LHPP: variants seen among roughly 807,000 people sequenced by gnomAD.
LHPP encodes the protein hLHPP.
LHPP carries 24 observed loss-of-function variants against 30.3 expected under a neutral mutation model. That is an observed-to-expected ratio of 0.79 (90% CI 0.57 to 1.11). The LOEUF (loss-of-function observed/expected upper bound fraction) is 1.11. Among genes scored for constraint, LHPP ranks in the 50% most tolerant of loss-of-function variants. The probability of loss-of-function intolerance (pLI) is 0.00; values close to 1 mark genes in which losing one functional copy is unlikely to be tolerated. For synonymous variants in LHPP, 150 were observed against 157.1 expected, an observed-to-expected ratio of 0.95 and a Z score of 0.34; for missense variants, 356 against 367.2, an observed-to-expected ratio of 0.97 and a Z score of 0.25.
chr10:124,529,770 G>A (rs1387747220), intron 6 of LHPP, among the ~76,000 whole-genome samples: 2 of 151,656 alleles, frequency 1.3e-5, no homozygotes, highest in Admixed American at 6.6e-5. Context: ...ACTCACATGC[G>A]GGTCCTAGAC....
chr10:124,581,403 C>T (rs1381133178), intron 6 of LHPP, among the ~76,000 whole-genome samples: 4 of 152,180 alleles, frequency 2.6e-5, no homozygotes, highest in African/African-American at 9.7e-5. Context: ...CTTCATTTCT[C>T]TTGAATATAT....
intron 6 of LHPP, among the ~76,000 whole-genome samples, chr10:124,557,630 G>T (rs1452102982): frequency 6.6e-6 from 1 of 152,202 alleles, no homozygotes; most frequent in East Asian, 1.9e-4. Context: ...AGAGGAGGGT[G>T]AGGGTGCAGG....
intron 6 of LHPP, among the ~76,000 whole-genome samples, chr10:124,577,264 A>G (rs10751596): frequency 0.55 from 83,426 of 151,922 alleles, 23,192 homozygotes; most frequent in South Asian, 0.61. Flanking sequence ...AGCCCAGCCA[A>G]CCCAAGACTA....
intron 1 of LHPP, among the ~76,000 whole-genome samples, chr10:124,473,072 T>C (rs1952836560): frequency 6.6e-6 from 1 of 152,072 alleles, no homozygotes; most frequent in African/African-American, 2.4e-5. Flanking sequence ...GGTCACCCTG[T>C]GAAAATCAAG....
chr10:124,487,948 G>A (rs1953390022), intron 2 of LHPP, among the ~76,000 whole-genome samples: 1 of 152,192 alleles, frequency 6.6e-6, no homozygotes. Flanking sequence ...CTGTGGGGAT[G>A]GAATTCTGCT....
chr10:124,519,816 A>ATT lies in LHPP; in HGVS notation c.716+2552_716+2553dup, dbSNP rs11421205. Among the ~76,000 whole-genome samples the ATT allele has an allele frequency of 3.4e-3, 517 of 151,186 alleles. 3 individuals carry two copies. Among genetic ancestry groups the ATT allele is most frequent in the African/African-American group, 0.012 (496 of 41,116 alleles). On this transcript the variant is annotated intron_variant, in intron 6 of 6. Coordinates refer to ENST00000368842, the MANE Select transcript of LHPP (RefSeq NM_022126.4). ...GTATTCCATGGTGTATATGTACCAC[A>ATT]TTTTTTTTCTTTGTTTCTTTCTTTT...
chr10:124,506,822 G>C (rs116396609), intron 5 of LHPP, among the ~76,000 whole-genome samples: 1 of 37,478 alleles, frequency 2.7e-5, no homozygotes, highest in Admixed American at 2.5e-4. Flanking sequence ...TTCAGGTGGG[G>C]GGGTAGGGAG....
intron 6 of LHPP, among the ~76,000 whole-genome samples, chr10:124,587,591 T>G (rs897107709): frequency 6.6e-6 from 1 of 150,996 alleles, no homozygotes; most frequent in Non-Finnish European, 1.5e-5. Flanking sequence ...AACACAAAAA[T>G]TAGCCAGGCA....
chr10:124,500,466 T>C (rs1019431471), intron 5 of LHPP, among the ~76,000 whole-genome samples: 4 of 152,026 alleles, frequency 2.6e-5, no homozygotes, highest in African/African-American at 9.7e-5. Context: ...AGTGAGACTC[T>C]ATTTCCAAGT....
intron 6 of LHPP, among the ~76,000 whole-genome samples, chr10:124,609,405 G>A (rs542193142): frequency 2.6e-5 from 4 of 152,194 alleles, no homozygotes; most frequent in African/African-American, 9.6e-5. Context: ...ACTACACCTG[G>A]CTGATTTTTG....
chr10:124,595,069 T>C (rs1948925762), intron 6 of LHPP, among the ~76,000 whole-genome samples: 1 of 152,232 alleles, frequency 6.6e-6, no homozygotes, highest in African/African-American at 2.4e-5. Flanking sequence ...AACAGACTAA[T>C]ACACCATGTC....
Position 124,496,501 on chromosome 10 carries a change from T to C in LHPP, c.468-460T>C, listed in dbSNP as rs1415482387. On this transcript the variant is annotated intron_variant, in intron 3 of 6. Transcript: ENST00000368842. This position sits in a 1 kb window ranked among gnomAD's most constrained non-coding sequence, Gnocchi z 4.3. ...GCTAACGGGATGCGGCAGGGTGCTG[T>C]GGAACTAATGGAGTTCTCTTCTTCA... 1.2e-4 allele frequency among the ~76,000 whole-genome samples: 18 copies of C among 152,352 alleles called. No homozygotes were observed. The East Asian group carries it at 3.3e-3, about 28-fold the overall frequency.
rs537850993 is a variant in LHPP, at chr10:124,578,700, G to A, written c.717-34564G>A. Among the ~76,000 whole-genome samples the A allele has an allele frequency of 4.6e-5, 7 of 152,334 alleles. No homozygotes were observed. The South Asian group carries it at 1.5e-3, about 32-fold the overall frequency. ...CATAGGCACAGTTGCTGGATGCAGG[G>A]CTTACACCGCGCCACGCGTCAGAAG... On this transcript the variant is annotated intron_variant, in intron 6 of 6. Transcript: ENST00000368842.
chr10:124,481,418 C>T (rs1331824011), intron 1 of LHPP, among the ~76,000 whole-genome samples: 1 of 137,688 alleles, frequency 7.3e-6, no homozygotes, highest in East Asian at 2.3e-4. Context: ...ACTGTGTGAC[C>T]CAGGCTGGAG....
intron 6 of LHPP, among the ~76,000 whole-genome samples, chr10:124,527,724 T>G (rs1442129194): frequency 6.6e-6 from 1 of 151,792 alleles, no homozygotes; most frequent in Non-Finnish European, 1.5e-5. Context: ...TGAGACCCAG[T>G]CCCCTGCCGC....
At chr10:124,472,838 G>A (rs1164662324) in intron 1 of LHPP, among the ~76,000 whole-genome samples, 5 of 152,290 alleles carry the variant, frequency 3.3e-5, no homozygotes, top group Middle Eastern at 3.4e-3. Context: ...GATTACAGGC[G>A]TGAGCCACTG....
intron 6 of LHPP, among the ~76,000 whole-genome samples, chr10:124,578,947 G>A (rs1402217520): frequency 7.9e-6 from 1 of 127,314 alleles, no homozygotes; most frequent in East Asian, 2.3e-4. Context: ...GATTCCCAGG[G>A]GCAGGATAGC....
intron 3 of LHPP, among the ~76,000 whole-genome samples, chr10:124,494,813 T>G (rs903603449): frequency 2.6e-5 from 4 of 152,212 alleles, no homozygotes; most frequent in Non-Finnish European, 5.9e-5. Context: ...TCTGTGGGCT[T>G]CTTTGCTTCC....
chr10:124,530,656 G>C lies in LHPP; in HGVS notation c.716+13385G>C, dbSNP rs1169046744. On this transcript the variant is annotated intron_variant, in intron 6 of 6. Coordinates refer to ENST00000368842, the MANE Select transcript of LHPP (RefSeq NM_022126.4). ...AGATGCCGCACCACCCCCATGCCCT[G>C]TGTGCCCTCTGCCTCTCGGGGCCCT... Among the ~76,000 whole-genome samples the C allele has an allele frequency of 3.9e-4, 59 of 152,146 alleles. 1 individual carries two copies. The highest frequency in any genetic ancestry group is 3.9e-3 in the Admixed American group (59 of 15,278).
Sources: gnomAD v4.1 joint callset for allele counts (sites outside exome capture counted in the v4.1 genomes callset) on GRCh38, gnomAD v4.1.1 for gene constraint, Gnocchi (gnomAD v3.1) non-coding constraint, MANE v1.5 for transcripts, NCBI Gene and HGNC (gene_info 2026-07-23, HGNC 2026-07-21) for gene names.